Variants in CNTNAP2 observed in about 807,000 individuals in gnomAD.
The protein encoded by CNTNAP2 is contactin associated protein 2.
CNTNAP2 carries 98 observed loss-of-function variants against 155.2 expected under a neutral mutation model. That is an observed-to-expected ratio of 0.63 (90% CI 0.54 to 0.75). The LOEUF is 0.75. CNTNAP2 is among the 30% of genes least tolerant of loss of function. The pLI is 0.00. For missense variants in CNTNAP2, 1,727 were observed against 1,688.1 expected, an observed-to-expected ratio of 1.02 and a Z score of -0.40; for synonymous variants, 651 against 631.2, an observed-to-expected ratio of 1.03 and a Z score of -0.47.
At chr7:147,065,553 G>A (rs751168243) in intron 4 of CNTNAP2, among the ~76,000 whole-genome samples, 1 of 152,152 alleles carries the variant, frequency 6.6e-6, no homozygotes, top group Non-Finnish European at 1.5e-5. Context: ...CTGGTTAGTG[G>A]CAGACACAGA....
intron 1 of CNTNAP2, among the ~76,000 whole-genome samples, chr7:146,507,358 G>A (rs76510476): frequency 0.064 from 9,790 of 152,274 alleles, 778 homozygotes; most frequent in African/African-American, 0.19. Flanking sequence ...TGCACATCAA[G>A]TTCAAATGGG....
At chr7:147,835,421 C>T (rs1798618421) in intron 13 of CNTNAP2, among the ~76,000 whole-genome samples, 1 of 152,054 alleles carries the variant, frequency 6.6e-6, no homozygotes, top group African/African-American at 2.4e-5. Context: ...CAGATAGTGG[C>T]CAAGATAGTG....
At chr7:147,625,314 G>C (rs1199022015) in intron 12 of CNTNAP2, among the ~76,000 whole-genome samples, 1 of 152,118 alleles carries the variant, frequency 6.6e-6, no homozygotes, top group Non-Finnish European at 1.5e-5. Context: ...CTCCTTCTCT[G>C]TGATGTGATC....
At chr7:147,779,382 G>C (rs1209605353) in intron 13 of CNTNAP2, among the ~76,000 whole-genome samples, 1 of 152,120 alleles carries the variant, frequency 6.6e-6, no homozygotes, top group East Asian at 1.9e-4. Context: ...AAGACCAATG[G>C]CAATTTTCAT....
chr7:147,927,198 G>T (rs1006881610), intron 14 of CNTNAP2, among the ~76,000 whole-genome samples: 3 of 152,008 alleles, frequency 2.0e-5, no homozygotes, highest in Non-Finnish European at 4.4e-5. Flanking sequence ...ACTTTTTCAA[G>T]AAAAAAGATG....
At chr7:146,124,977 A>G (rs1386296297) in intron 1 of CNTNAP2, among the ~76,000 whole-genome samples, 1 of 152,206 alleles carries the variant, frequency 6.6e-6, no homozygotes, top group Non-Finnish European at 1.5e-5. Context: ...CAAGTTATAT[A>G]TATTGCCACC....
intron 3 of CNTNAP2, among the ~76,000 whole-genome samples, chr7:146,999,138 C>G (rs760196414): frequency 2.7e-5 from 4 of 150,084 alleles, no homozygotes; most frequent in Non-Finnish European, 5.9e-5. Context: ...TTTCTGTTAG[C>G]GTATCTGTTA....
At chr7:148,276,639 C>T (rs1585235487) in intron 21 of CNTNAP2, among the ~76,000 whole-genome samples, 2 of 152,174 alleles carry the variant, frequency 1.3e-5, no homozygotes, top group Admixed American at 6.5e-5. Context: ...TGCCATATTA[C>T]GGATCTATTT....
intron 1 of CNTNAP2, among the ~76,000 whole-genome samples, chr7:146,653,439 A>G (rs1799948112): frequency 6.6e-6 from 1 of 152,194 alleles, no homozygotes; most frequent in African/African-American, 2.4e-5. Flanking sequence ...TAGACTGTGT[A>G]TAAATTTTCA....
chr7:147,042,894 C>G (rs867442386), intron 3 of CNTNAP2, among the ~76,000 whole-genome samples: 1 of 151,782 alleles, frequency 6.6e-6, no homozygotes, highest in African/African-American at 2.4e-5. Flanking sequence ...TTAAATAAAT[C>G]GAAAAGAGAA....
chr7:146,600,597 C>T (rs566068421), intron 1 of CNTNAP2, among the ~76,000 whole-genome samples: 4 of 152,110 alleles, frequency 2.6e-5, no homozygotes, highest in Middle Eastern at 3.4e-3. Flanking sequence ...GGTGTGTACA[C>T]GTTTACATAT....
chr7:147,485,305 T>C (rs1345296710), intron 10 of CNTNAP2, among the ~76,000 whole-genome samples: 1 of 152,224 alleles, frequency 6.6e-6, no homozygotes, highest in Admixed American at 6.5e-5. Flanking sequence ...GTTAAGTAGC[T>C]ACAATTAGTC....
intron 9 of CNTNAP2, among the ~76,000 whole-genome samples, chr7:147,307,155 A>T (rs1192053562): frequency 2.0e-5 from 3 of 152,220 alleles, no homozygotes; most frequent in Non-Finnish European, 4.4e-5. Flanking sequence ...CTAAAACAAC[A>T]TGAAAAGTTG....
intron 9 of CNTNAP2, among the ~76,000 whole-genome samples, chr7:147,367,495 A>T (rs1025750865): frequency 3.3e-4 from 50 of 152,310 alleles, no homozygotes; most frequent in African/African-American, 1.0e-3. Flanking sequence ...AATTGCTATA[A>T]GGCTAGTCCC....
intron 1 of CNTNAP2, among the ~76,000 whole-genome samples, chr7:146,498,084 T>C (rs542749137): frequency 1.4e-4 from 21 of 152,208 alleles, no homozygotes; most frequent in Admixed American, 2.6e-4. Flanking sequence ...TCTGTGTAGA[T>C]AAAGCATTAA....
intron 1 of CNTNAP2, among the ~76,000 whole-genome samples, chr7:146,632,611 ATAAGT>A (rs1799527460): frequency 1.3e-5 from 2 of 152,128 alleles, no homozygotes; most frequent in South Asian, 4.1e-4. Flanking sequence ...AATGAAAAAG[ATAAGT>A]TCTTAACCAT....
chr7:147,077,836 C>T (rs536882994), intron 4 of CNTNAP2, among the ~76,000 whole-genome samples: 2 of 152,072 alleles, frequency 1.3e-5, no homozygotes, highest in Non-Finnish European at 2.9e-5. Context: ...GAACATATAG[C>T]AAGTACTATA....
At chr7:147,356,346 G>A (rs982323221) in intron 9 of CNTNAP2, among the ~76,000 whole-genome samples, 1 of 152,014 alleles carries the variant, frequency 6.6e-6, no homozygotes, top group Non-Finnish European at 1.5e-5. Context: ...GGCAAAAACT[G>A]GAAGCATCCC....
intron 1 of CNTNAP2, among the ~76,000 whole-genome samples, chr7:146,376,522 A>G (rs780315003): frequency 2.6e-4 from 40 of 151,962 alleles, no homozygotes; most frequent in Non-Finnish European, 4.7e-4. Flanking sequence ...ACCTATCAAA[A>G]CTTCTTGTAA....
Sources: allele counts gnomAD v4.1 joint callset (sites outside exome capture counted in the v4.1 genomes callset), GRCh38; gene constraint gnomAD v4.1.1; transcripts MANE v1.5; gene names NCBI Gene and HGNC (gene_info 2026-07-23, HGNC 2026-07-21).